The following ZNF221 variants were observed in gnomAD, a reference collection of about 807,000 sequenced individuals.
The protein encoded by ZNF221 is zinc finger protein 221.
In ZNF221, 10 loss-of-function variants were observed where a neutral mutation model predicts 12.6. The observed-to-expected ratio is 0.79, with a 90% CI of 0.49 to 1.34. The LOEUF (loss-of-function observed/expected upper bound fraction) is 1.34. Among genes scored for constraint, ZNF221 ranks in the 40% most tolerant of loss-of-function variants. The pLI is 0.00. For missense variants in ZNF221, 661 were observed against 721.4 expected (o/e 0.92, Z 0.96); for synonymous variants, 232 against 244.0 (o/e 0.95, Z 0.46).
Position 43,965,865 on chromosome 19 carries a change from C to T in ZNF221, c.363C>T (p.Ser121=), listed in dbSNP as rs148494330. 260 of 1,613,782 alleles carry T rather than the reference C, an allele frequency of 1.6e-4. No homozygotes were observed. The African/African-American group carries it at 2.8e-3, about 17-fold the overall frequency. The part of the protein sequence containing the change: ...VPEAGPHEEW[S]CQQIWEQIAS... ...AAGCAGGACCACATGAAGAGTGGTC[C>T]TGTCAGCAAATATGGGAACAAATTG... The change falls in exon 5 of 5, where the codon TCC becomes TCT. Residue 121 remains serine (S), a synonymous_variant. Transcript: ENST00000587682.
chr19:43,965,117 G>A, intron 3 of ZNF221, 41 bp downstream of exon 3: 1 of 1,607,930 alleles, frequency 6.2e-7, no homozygotes, highest in African/African-American at 1.3e-5. Context: ...TTAGGCCCCA[G>A]GAATGGCTTT....
chr19:43,956,825 G>A (rs575407550), intron 1 of ZNF221, among the ~76,000 whole-genome samples: 1 of 152,224 alleles, frequency 6.6e-6, no homozygotes, highest in East Asian at 1.9e-4. Flanking sequence ...TAATAAAACT[G>A]TTAAAAGTAA....
chr19:43,968,984 G>A (rs938088535), downstream of ZNF221, among the ~76,000 whole-genome samples: 1 of 152,228 alleles, frequency 6.6e-6, no homozygotes, highest in Non-Finnish European at 1.5e-5. Context: ...AGACCCAGGA[G>A]GTTTACATGC....
chr19:43,981,458 G>A, the ZNF221 span, among the ~76,000 whole-genome samples: 1 of 152,052 alleles, frequency 6.6e-6, no homozygotes, highest in Non-Finnish European at 1.5e-5. Flanking sequence ...CTTCAACAGG[G>A]ATAATATACA....
chr19:43,959,855 CA>C (rs1410730115), intron 1 of ZNF221, among the ~76,000 whole-genome samples: 21 of 152,218 alleles, frequency 1.4e-4, no homozygotes, highest in African/African-American at 4.8e-4. Context: ...TACTGAGGTG[CA>C]ATGCATTGCT....
chr19:43,971,940 A>G (rs957296466), downstream of ZNF221, among the ~76,000 whole-genome samples: 1 of 152,192 alleles, frequency 6.6e-6, no homozygotes, highest in Non-Finnish European at 1.5e-5. Context: ...CTCCACTCCA[A>G]AACAACAGAA....
chr19:43,955,083 A>G (rs545653580), intron 1 of ZNF221, among the ~76,000 whole-genome samples: 109 of 151,280 alleles, frequency 7.2e-4, no homozygotes, highest in African/African-American at 2.5e-3. Flanking sequence ...TGTGGGCTCT[A>G]TATCTAGTGT....
intron 1 of ZNF221, among the ~76,000 whole-genome samples, chr19:43,956,460 G>C (rs1332910566): frequency 6.6e-6 from 1 of 151,950 alleles, no homozygotes; most frequent in Non-Finnish European, 1.5e-5. Flanking sequence ...TCTAGTCCCA[G>C]GAAGTTTTCC....
chr19:43,961,209 T>G (rs1435342725), intron 1 of ZNF221, among the ~76,000 whole-genome samples: 2 of 152,178 alleles, frequency 1.3e-5, no homozygotes, highest in Non-Finnish European at 2.9e-5. Flanking sequence ...GCCTCCCAAG[T>G]AGCTGGGATT....
Position 43,967,072 on chromosome 19 carries a change from C to T in ZNF221, c.1570C>T (p.His524Tyr). The T allele has an allele frequency of 1.3e-6, 2 of 1,595,984 alleles. No individual in the cohort carries two copies. Among genetic ancestry groups the T allele is most frequent in the Non-Finnish European group, 1.7e-6 (2 of 1,168,854 alleles). Residue 524 changes from histidine (H) to tyrosine (Y), a missense_variant, in exon 5 of 5, where the codon CAT becomes TAT. Coordinates refer to ENST00000587682, the MANE Select transcript of ZNF221 (RefSeq NM_001297588.2). ...TACTCAGAGTTCACAACTTCATTCCCATCAGACATGCCATACTGGAGAAAA... is the reference window on the plus strand; with the variant it reads ...TACTCAGAGTTCACAACTTCATTCCTATCAGACATGCCATACTGGAGAAAA... The part of the protein sequence containing the change: ...RFTQSSQLHS[H>Y]QTCHTGEKLY...
the ZNF221 span, among the ~76,000 whole-genome samples, chr19:43,976,170 TA>T: frequency 1.3e-5 from 2 of 152,012 alleles, no homozygotes; most frequent in African/African-American, 4.8e-5. Flanking sequence ...GTGCTTGAAT[TA>T]TAGGCATGAG....
At chr19:43,975,864 T>C in the ZNF221 span, among the ~76,000 whole-genome samples, 2 of 152,152 alleles carry the variant, frequency 1.3e-5, no homozygotes, top group African/African-American at 4.8e-5. Context: ...CATCCTCTGT[T>C]CTCAAGTCGG....
chr19:43,957,665 C>T (rs912083719), intron 1 of ZNF221, among the ~76,000 whole-genome samples: 1 of 152,052 alleles, frequency 6.6e-6, no homozygotes, highest in Non-Finnish European at 1.5e-5. Context: ...TGGGATGAGT[C>T]GTTTGACTCT....
rs1974954077 is a variant in ZNF221 at position 43,966,314 on chromosome 19, T to C, written c.812T>C (p.Val271Ala). The change falls in exon 5 of 5, where the codon GTT (valine) becomes GCT (alanine). Residue 271 changes from valine to alanine, a missense_variant. Val to Ala is a moderately conservative substitution (Grantham distance 64, BLOSUM62 0). Coordinates refer to ENST00000587682, the MANE Select transcript of ZNF221 (RefSeq NM_001297588.2). ...TTCCATAGTAGATCAGCACTTAATGTTCATTGCAAATTGCACACAGGAGAG... is the reference window on the plus strand; with the variant it reads ...TTCCATAGTAGATCAGCACTTAATGCTCATTGCAAATTGCACACAGGAGAG... ...KGFHSRSALN[V>A]HCKLHTGEKP... The C allele has an allele frequency of 6.2e-7, 1 of 1,614,008 alleles. No individual in the cohort carries two copies.
chr19:43,956,614 A>G (rs993271418), intron 1 of ZNF221, among the ~76,000 whole-genome samples: 1 of 152,062 alleles, frequency 6.6e-6, no homozygotes, highest in Non-Finnish European at 1.5e-5. Flanking sequence ...TACTGCCCCC[A>G]AGCAATTCCA....
chr19:43,966,082 GGA>G lies in ZNF221; in HGVS notation c.585_586del (p.Lys196IlefsTer6). 5 of 1,614,200 alleles carry G rather than the reference GGA, an allele frequency of 3.1e-6. No homozygotes were observed. Among genetic ancestry groups the G allele is most frequent in the Non-Finnish European group, 4.2e-6 (5 of 1,180,040 alleles). On this transcript the variant is annotated frameshift_variant, in exon 5 of 5. Coordinates refer to ENST00000587682, the MANE Select transcript of ZNF221 (RefSeq NM_001297588.2). LOFTEE classifies it low-confidence loss of function (END_TRUNC). ...VFDLHQQSHS[G>X]EKSHTCGECG... ...TGATCTTCATCAACAATCACACTCA[GGA>G]GAGAAATCTCATACATGTGGTGAGT...
chr19:43,961,333 C>A (rs7255894), intron 1 of ZNF221, among the ~76,000 whole-genome samples: 71,173 of 151,938 alleles, frequency 0.47, 17,021 homozygotes, highest in South Asian at 0.55. Flanking sequence ...CCACTGGGAA[C>A]AAACTTATAA....
rs1486208078 is a variant in ZNF221 at position 43,965,896 on chromosome 19, G to A, written c.394G>A (p.Asp132Asn). ...CQQIWEQIAS[D>N]LTRSQNSIRN... ...GCAAATATGGGAACAAATTGCAAGTGACCTAACCAGGTCTCAAAACTCCAT... is the reference window on the plus strand; with the variant it reads ...GCAAATATGGGAACAAATTGCAAGTAACCTAACCAGGTCTCAAAACTCCAT... Residue 132 changes from aspartate to asparagine, a missense_variant, in exon 5 of 5, where the codon GAC becomes AAC. Physicochemically the swap from Asp to Asn is conservative, Grantham distance 23. Transcript: ENST00000587682. The A allele has an allele frequency of 1.2e-6, 2 of 1,614,046 alleles. No homozygotes were observed. The highest frequency in any genetic ancestry group is 1.7e-6 in the Non-Finnish European group (2 of 1,180,038).
chr19:43,965,846 G>T lies in ZNF221; in HGVS notation c.344G>T (p.Gly115Val), dbSNP rs769766826. 10 of 1,610,734 alleles carry T rather than the reference G, an allele frequency of 6.2e-6. No homozygotes were observed. The African/African-American group carries it at 1.2e-4, about 19-fold the overall frequency. ...GAGATGGAGACTGTTCCAGAAGCAG[G>T]ACCACATGAAGAGTGGTCCTGTCAG... The part of the protein sequence containing the change: ...QIEMETVPEA[G>V]PHEEWSCQQI... The change falls in exon 5 of 5, where the codon GGA becomes GTA. Residue 115 changes from glycine to valine, a missense_variant. Gly to Val is a moderately radical substitution (Grantham distance 109). Coordinates refer to ENST00000587682, the MANE Select transcript of ZNF221 (RefSeq NM_001297588.2).
Sources: allele counts gnomAD v4.1 joint callset (sites outside exome capture counted in the v4.1 genomes callset), GRCh38; gene constraint gnomAD v4.1.1; transcripts MANE v1.5; gene names NCBI Gene and HGNC (gene_info 2026-07-23, HGNC 2026-07-21).